Variants in FCHO1 observed in about 807,000 individuals in gnomAD.
FCHO1 encodes the protein F-BAR domain only protein 1.
A neutral mutation model predicts 114.4 loss-of-function variants in FCHO1; 45 were observed. The observed-to-expected ratio is 0.39, with a 90% CI of 0.31 to 0.50. The LOEUF (loss-of-function observed/expected upper bound fraction) is 0.50, where lower values mean the gene tolerates loss of function less well. FCHO1 is among the 20% of genes least tolerant of loss of function. FCHO1 has a pLI of 0.77. For synonymous variants in FCHO1, 480 were observed against 488.9 expected (o/e 0.98, Z 0.24); for missense variants, 1,042 against 1,209.6 (o/e 0.86, Z 2.06).
In FCHO1 at chr19:17,775,509, G is replaced by A; in HGVS notation, c.999G>A (p.Gln333=). Residue 333 remains glutamine (Q), a synonymous_variant, in exon 15 of 29, where the codon CAG becomes CAA. Coordinates refer to ENST00000596536, the MANE Select transcript of FCHO1 (RefSeq NM_015122.3). This position sits in a 1 kb window ranked among gnomAD's most constrained non-coding sequence, Gnocchi z 5.1. Reference sequence around the variant, plus strand: ...TCACTGTCCGGCCTGATGTGACCCAGAACAATATCCTTCTGGCACCCCCTG... The same window carrying A: ...TCACTGTCCGGCCTGATGTGACCCAAAACAATATCCTTCTGGCACCCCCTG... ...EGFTVRPDVT[Q]NSTAEPSRFS... 6.2e-7 allele frequency: 1 copy of A among 1,613,896 alleles called. No homozygotes were observed. Among genetic ancestry groups the A allele is most frequent in the Non-Finnish European group, 8.5e-7 (1 of 1,179,906 alleles).
chr19:17,780,688 G>A (rs747127893), intron 20 of FCHO1, among the ~76,000 whole-genome samples: 18 of 152,076 alleles, frequency 1.2e-4, no homozygotes, highest in Non-Finnish European at 2.4e-4. Context: ...TGAGAAAGTC[G>A]GGTAGAGCGG....
chr19:17,763,775 G>T (rs893372503), intron 5 of FCHO1, among the ~76,000 whole-genome samples: 14 of 151,738 alleles, frequency 9.2e-5, no homozygotes, highest in African/African-American at 3.2e-4. Flanking sequence ...ATTGCCCAGG[G>T]TGGTCTCGAA....
chr19:17,770,677 C>T lies in FCHO1; in HGVS notation c.489+100C>T, dbSNP rs535170386. 2.5e-5 allele frequency: 40 copies of T among 1,579,456 alleles called. No individual in the cohort carries two copies. In the Admixed American group the frequency reaches 5.2e-4, roughly 20 times the overall value. ...CATCCCAGAGCGACGGTCCTGGAAC[C>T]TGTGGGTGATCACACCCTGGGTACC... On this transcript the variant is annotated intron_variant, in intron 8 of 28. Transcript: ENST00000596536.
chr19:17,777,263 G>A (rs930942704), intron 18 of FCHO1, among the ~76,000 whole-genome samples: 1 of 151,980 alleles, frequency 6.6e-6, no homozygotes, highest in African/African-American at 2.4e-5. Context: ...AGGGCCAGGC[G>A]TGGCGGCTCA....
chr19:17,773,146 G>A (rs2091998591), intron 11 of FCHO1, among the ~76,000 whole-genome samples: 1 of 152,232 alleles, frequency 6.6e-6, no homozygotes, highest in Admixed American at 6.5e-5. Flanking sequence ...GAACAATTTG[G>A]GAATGCGCAG....
At position 17,776,042 on chromosome 19, in the gene FCHO1, C is replaced by G. The variant is rs143922675; in HGVS notation, c.1063C>G (p.Arg355Gly). The change falls in exon 16 of 29, where the codon CGC becomes GGC. Residue 355 changes from arginine to glycine, a missense_variant. Coordinates refer to ENST00000596536, the MANE Select transcript of FCHO1 (RefSeq NM_015122.3). This position sits in a 1 kb window ranked among gnomAD's most constrained non-coding sequence, Gnocchi z 4.4. ...SDSDFDDEEP[R>G]KFYVHIKPAP... is the part of the protein sequence containing the mutation. ...CTCCGACTTCGACGATGAAGAGCCC[C>G]GCAAGTTCTATGTGCACATCAAGCC... 1 of 1,610,488 alleles carries G rather than the reference C, an allele frequency of 6.2e-7. No individual in the cohort carries two copies. The highest frequency in any genetic ancestry group is 8.5e-7 in the Non-Finnish European group (1 of 1,180,002).
At chr19:17,749,566 T>G (rs993692397), upstream of FCHO1, among the ~76,000 whole-genome samples, 1 of 151,708 alleles carries the variant, frequency 6.6e-6, no homozygotes, top group African/African-American at 2.4e-5. Context: ...CCAAATGAAG[T>G]GAGGAAGAGG....
At chr19:17,786,533 C>A (rs1599809250) in intron 26 of FCHO1, 41 bp from the exon 27 acceptor site, 1 of 1,607,482 alleles carries the variant, frequency 6.2e-7, no homozygotes, top group East Asian at 2.2e-5. Context: ...CTCTCAGCAT[C>A]CTCTCTGGGG....
At position 17,775,859 on chromosome 19, in the gene FCHO1, G is replaced by A. The variant is rs570955592; in HGVS notation, c.1004-124G>A. Reference sequence around the variant, plus strand: ...ATGGTGTCAGGACTGAAGGTGGCGCGTGGTGAGCGATGGGATTGGGCAGGA... The same window carrying A: ...ATGGTGTCAGGACTGAAGGTGGCGCATGGTGAGCGATGGGATTGGGCAGGA... On this transcript the variant is annotated intron_variant, in intron 15 of 28. Transcript: ENST00000596536. The surrounding 1 kb of genome is among the most constrained non-coding windows in gnomAD (Gnocchi z 5.1). The A allele has an allele frequency of 4.9e-5, 55 of 1,131,028 alleles. No homozygotes were observed. The East Asian group carries it at 1.0e-3, about 21-fold the overall frequency. The allele number at this position is 1,131,028 out of a possible 1,614,324, so 70.1% of individuals were successfully genotyped here.
At chr19:17,779,371 A>C (rs2093076572) in intron 20 of FCHO1, among the ~76,000 whole-genome samples, 1 of 151,380 alleles carries the variant, frequency 6.6e-6, no homozygotes, top group Non-Finnish European at 1.5e-5. Context: ...GAGGGGCGGG[A>C]CCTGACTCAG....
At chr19:17,763,216 C>T (rs1221581383) in intron 5 of FCHO1, among the ~76,000 whole-genome samples, 1 of 150,226 alleles carries the variant, frequency 6.7e-6, no homozygotes, top group Non-Finnish European at 1.5e-5. Flanking sequence ...CCTACCTCAG[C>T]TCCCGAGTAG....
chr19:17,757,997 C>T lies in FCHO1; in HGVS notation c.27+2806C>T, dbSNP rs1426074605. Among the ~76,000 whole-genome samples, 6 of 149,742 alleles carry T rather than the reference C, an allele frequency of 4.0e-5. No homozygotes were observed. In the East Asian group the frequency reaches 9.8e-4, roughly 25 times the overall value. On this transcript the variant is annotated intron_variant, in intron 4 of 28. Coordinates refer to ENST00000596536, the MANE Select transcript of FCHO1 (RefSeq NM_015122.3). ...TTGGGAGGCCGAGGCAGGCGGATCA[C>T]AAGGTCAGGAGATCGAGACCATCCT...
At position 17,770,704 on chromosome 19, in the gene FCHO1, C is replaced by T. The variant is rs185680019; in HGVS notation, c.490-88C>T. The T allele has an allele frequency of 3.6e-5, 57 of 1,583,544 alleles. No individual in the cohort carries two copies. In the East Asian group the frequency reaches 4.5e-4, roughly 12 times the overall value. On this transcript the variant is annotated intron_variant, in intron 8 of 28. Coordinates refer to ENST00000596536, the MANE Select transcript of FCHO1 (RefSeq NM_015122.3). ...GTGGGTGATCACACCCTGGGTACCC[C>T]GAGGAGTTCACCTGCCAGGTGATGG...
intron 13 of FCHO1, 75 bp downstream of exon 13, chr19:17,774,553 T>C (rs2092343841): frequency 1.6e-6 from 2 of 1,236,882 alleles, no homozygotes; most frequent in Non-Finnish European, 2.3e-6. Flanking sequence ...ATCCCAGAAG[T>C]CCCCTCCTAG....
chr19:17,781,935 T>G lies in FCHO1; in HGVS notation c.1937+115T>G, dbSNP rs892426197. 4 of 642,682 alleles carry G rather than the reference T, an allele frequency of 6.2e-6. No homozygotes were observed. In the East Asian group the frequency reaches 1.2e-4, roughly 20 times the overall value. The allele number at this position is 642,682 out of a possible 1,614,324, so 39.8% of individuals were successfully genotyped here. ...CTTATAGTGAAAGGGCCTTGAACACTGAGCCAAGTGACCAGGCCCCTGTCC... is the reference window on the plus strand; with the variant it reads ...CTTATAGTGAAAGGGCCTTGAACACGGAGCCAAGTGACCAGGCCCCTGTCC... On this transcript the variant is annotated intron_variant, in intron 23 of 28. Transcript: ENST00000596536.
At chr19:17,770,380 C>A in intron 7 of FCHO1, 45 bp from the exon 8 acceptor site, 2 of 1,562,796 alleles carry the variant, frequency 1.3e-6, no homozygotes, top group South Asian at 1.2e-5. Flanking sequence ...TTTGGGAGGT[C>A]AGGAATTTCA....
intron 9 of FCHO1, among the ~76,000 whole-genome samples, chr19:17,772,092 T>C (rs2091750958): frequency 6.6e-6 from 1 of 152,200 alleles, no homozygotes; most frequent in African/African-American, 2.4e-5. Context: ...ATTACAGGCA[T>C]GATACACCAC....
intron 7 of FCHO1, among the ~76,000 whole-genome samples, chr19:17,769,580 AACACACACAC>A (rs71162199): frequency 0.095 from 13,625 of 143,976 alleles, 1,131 homozygotes; most frequent in African/African-American, 0.22. Flanking sequence ...CTTCGTCTCA[AACACACACAC>A]ACACACACAC....
Position 17,787,675 on chromosome 19 carries a change from TC to T in FCHO1, c.2483-3del, listed in dbSNP as rs1568381841. The T allele has an allele frequency of 1.3e-6, 2 of 1,550,172 alleles. No homozygotes were observed. The highest frequency in any genetic ancestry group is 1.7e-6 in the Non-Finnish European group (2 of 1,146,686). On this transcript the variant is annotated splice_polypyrimidine_tract_variant and splice_region_variant and intron_variant, in intron 27 of 28. Transcript: ENST00000596536. ...GCCAGGGCGCAGCTGACTGCAGGTC[TC>T]CCCAGGTTCTGGCCGCCTCTCTGCC...
Sources: allele counts gnomAD v4.1 joint callset (sites outside exome capture counted in the v4.1 genomes callset), GRCh38; gene constraint gnomAD v4.1.1; non-coding constraint Gnocchi (gnomAD v3.1); transcripts MANE v1.5; gene names NCBI Gene and HGNC (gene_info 2026-07-23, HGNC 2026-07-21).